IGF2BP2: variants seen among roughly 807,000 people sequenced by gnomAD.
IGF2BP2 encodes insulin-like growth factor 2 mRNA-binding protein 2.
IGF2BP2 carries 17 observed loss-of-function variants against 75.8 expected under a neutral mutation model. That is an observed-to-expected ratio of 0.22 (90% CI 0.15 to 0.34). The LOEUF (loss-of-function observed/expected upper bound fraction) is 0.34, where lower values mean the gene tolerates loss of function less well. IGF2BP2 is among the 10% of genes least tolerant of loss of function. The pLI, the probability that IGF2BP2 is intolerant of heterozygous loss-of-function variation, is 1.00. For synonymous variants in IGF2BP2, 288 were observed against 295.6 expected (o/e 0.97, Z 0.26); for missense variants, 516 against 772.4 (o/e 0.67, Z 3.93).
chr3:185,780,280 AG>A (rs1219071557), intron 2 of IGF2BP2, among the ~76,000 whole-genome samples: 3 of 152,232 alleles, frequency 2.0e-5, no homozygotes, highest in African/African-American at 7.2e-5. Flanking sequence ...GACCAGGATT[AG>A]GGATGGGAGG....
At chr3:185,820,485 T>A (rs963607011) in intron 2 of IGF2BP2, among the ~76,000 whole-genome samples, 1 of 152,048 alleles carries the variant, frequency 6.6e-6, no homozygotes, top group Non-Finnish European at 1.5e-5. Context: ...GAGAAATAAA[T>A]GCTTTATGTG....
chr3:185,824,245 G>T (rs1373966913), intron 1 of IGF2BP2, among the ~76,000 whole-genome samples: 3 of 151,712 alleles, frequency 2.0e-5, no homozygotes, highest in Non-Finnish European at 4.4e-5. Flanking sequence ...GGGGGGCCGT[G>T]GGGCGAGGTG....
At chr3:185,722,363 T>G (rs1726702760) in intron 2 of IGF2BP2, 1 of 417,642 alleles carries the variant, frequency 2.4e-6, no homozygotes, top group Non-Finnish European at 4.8e-6. Flanking sequence ...TTTCAAAAAG[T>G]AAGGAAGAAA....
chr3:185,665,409 A>AGGAGGAGGAGGAG (rs1560251099), intron 10 of IGF2BP2, among the ~76,000 whole-genome samples: 1 of 24,810 alleles, frequency 4.0e-5, no homozygotes, highest in Non-Finnish European at 7.6e-5. Flanking sequence ...AGGAGAAGGA[A>AGGAGGAGGAGGAG]AAGGAGGAGA....
chr3:185,706,097 C>T (rs1723982857), intron 2 of IGF2BP2, among the ~76,000 whole-genome samples: 1 of 152,142 alleles, frequency 6.6e-6, no homozygotes, highest in African/African-American at 2.4e-5. Context: ...AGCCGGACGT[C>T]GTGGCTCACA....
At chr3:185,652,887 C>T (rs1284057255) in intron 12 of IGF2BP2, among the ~76,000 whole-genome samples, 6 of 152,178 alleles carry the variant, frequency 3.9e-5, no homozygotes, top group Non-Finnish European at 7.3e-5. Flanking sequence ...TCTCAGCTCA[C>T]TACAACCTCT....
chr3:185,693,828 C>G (rs28485641), intron 4 of IGF2BP2, among the ~76,000 whole-genome samples: 66,153 of 152,012 alleles, frequency 0.44, 14,617 homozygotes, highest in South Asian at 0.5. Flanking sequence ...TTATGATAAA[C>G]CTGCTGTCCA....
chr3:185,749,800 A>G (rs1560407761), intron 2 of IGF2BP2, among the ~76,000 whole-genome samples: 1 of 152,210 alleles, frequency 6.6e-6, no homozygotes, highest in Non-Finnish European at 1.5e-5. Flanking sequence ...CAGTGTGTTA[A>G]AAAACGTCCT....
At chr3:185,823,797 G>A (rs1560528706) in intron 1 of IGF2BP2, among the ~76,000 whole-genome samples, 1 of 151,832 alleles carries the variant, frequency 6.6e-6, no homozygotes, top group Non-Finnish European at 1.5e-5. Flanking sequence ...GGCGCCGGCC[G>A]GGGCCCGGGG....
chr3:185,735,238 C>T (rs1224868043), intron 2 of IGF2BP2, among the ~76,000 whole-genome samples: 2 of 151,812 alleles, frequency 1.3e-5, no homozygotes, highest in African/African-American at 4.8e-5. Context: ...CTCCGCCTTC[C>T]GGGTTCAAGT....
At chr3:185,801,110 G>A (rs1471392031) in intron 2 of IGF2BP2, among the ~76,000 whole-genome samples, 1 of 152,070 alleles carries the variant, frequency 6.6e-6, no homozygotes, top group Non-Finnish European at 1.5e-5. Flanking sequence ...ATGAAAAAAA[G>A]CTCATCATCA....
At chr3:185,747,588 A>G (rs182403464) in intron 2 of IGF2BP2, among the ~76,000 whole-genome samples, 38 of 152,240 alleles carry the variant, frequency 2.5e-4, no homozygotes, top group South Asian at 1.2e-3. Flanking sequence ...CCGAGGCACA[A>G]GAATCACTTG....
intron 2 of IGF2BP2, among the ~76,000 whole-genome samples, chr3:185,778,606 T>C (rs1734823464): frequency 6.6e-6 from 1 of 152,188 alleles, no homozygotes; most frequent in South Asian, 2.1e-4. Flanking sequence ...ACAGTCTCAT[T>C]ATCAGGATGG....
At position 185,672,527 on chromosome 3, in the gene IGF2BP2, G is replaced by A; in HGVS notation, c.1200+14C>T. On this transcript the variant is annotated intron_variant, in intron 10 of 15. Coordinates refer to ENST00000382199, the MANE Select transcript of IGF2BP2 (RefSeq NM_006548.6). ...CCAGCGCATAAGCAAACCTCCACAA[G>A]CTGAGCTACTTACAGTGAAGGGGTG... The A allele has an allele frequency of 6.2e-7, 1 of 1,610,702 alleles. No homozygotes were observed. Among genetic ancestry groups the A allele is most frequent in the Non-Finnish European group, 8.5e-7 (1 of 1,178,568 alleles).
chr3:185,650,962 G>A (rs896102295), intron 13 of IGF2BP2, among the ~76,000 whole-genome samples: 7 of 152,212 alleles, frequency 4.6e-5, no homozygotes, highest in Admixed American at 2.0e-4. Flanking sequence ...AGGCTAGAGT[G>A]CAGTGGCATG....
In IGF2BP2 at chr3:185,726,941, G is replaced by A. The variant is rs144711173; in HGVS notation, c.240-28594C>T. On this transcript the variant is annotated intron_variant, in intron 2 of 15. Transcript: ENST00000382199. Reference sequence around the variant, plus strand: ...ACAACAGAAGAAATTACAGGAGGCCGAGCACGGTGGCTCACGCCTGTAATC... The same window carrying A: ...ACAACAGAAGAAATTACAGGAGGCCAAGCACGGTGGCTCACGCCTGTAATC... Among the ~76,000 whole-genome samples the A allele has an allele frequency of 3.9e-5, 6 of 152,298 alleles. No individual in the cohort carries two copies. In the East Asian group the frequency reaches 7.7e-4, roughly 20 times the overall value.
chr3:185,732,531 T>C (rs891105899), intron 2 of IGF2BP2, among the ~76,000 whole-genome samples: 1 of 152,130 alleles, frequency 6.6e-6, no homozygotes, highest in African/African-American at 2.4e-5. Context: ...ATCTGGGACT[T>C]CAAAACCCTC....
chr3:185,736,219 G>A (rs962687656), intron 2 of IGF2BP2, among the ~76,000 whole-genome samples: 8 of 152,158 alleles, frequency 5.3e-5, no homozygotes, highest in Non-Finnish European at 7.4e-5. Context: ...CCAAGGTCAC[G>A]GGGACTCGGA....
chr3:185,733,361 A>G (rs1728435395), intron 2 of IGF2BP2, among the ~76,000 whole-genome samples: 1 of 152,218 alleles, frequency 6.6e-6, no homozygotes, highest in Non-Finnish European at 1.5e-5. Flanking sequence ...GTACCCACTC[A>G]TCATCATTTA....
Sources: gnomAD v4.1 joint callset for allele counts (sites outside exome capture counted in the v4.1 genomes callset) on GRCh38, gnomAD v4.1.1 for gene constraint, MANE v1.5 for transcripts, NCBI Gene and HGNC (gene_info 2026-07-23, HGNC 2026-07-21) for gene names.